Variants in XRCC6 observed in about 807,000 individuals in gnomAD.
The protein encoded by XRCC6 is DNA repair protein Ku70.
XRCC6 carries 5 observed loss-of-function variants against 65.7 expected under a neutral mutation model. That is an observed-to-expected ratio of 0.08 (90% CI 0.04 to 0.16). The LOEUF is 0.16. Ranked by LOEUF, XRCC6 falls within the 10% of genes least tolerant of loss-of-function variation. The pLI, the probability that XRCC6 is intolerant of heterozygous loss-of-function variation, is 1.00. For synonymous variants in XRCC6, 270 were observed against 270.6 expected (o/e 1.00, Z 0.02); for missense variants, 447 against 738.1 (o/e 0.61, Z 4.57).
At chr22:41,629,968 G>C (rs1298818554) in intron 3 of XRCC6, among the ~76,000 whole-genome samples, 1 of 141,786 alleles carries the variant, frequency 7.1e-6, no homozygotes, top group Non-Finnish European at 1.5e-5. Context: ...GCCCAGCCTT[G>C]TGTGTGCATT....
chr22:41,622,012 G>A lies in XRCC6; in HGVS notation c.8G>A (p.Gly3Glu), dbSNP rs2067612791. The A allele has an allele frequency of 1.2e-6, 2 of 1,614,234 alleles. No individual in the cohort carries two copies. Among genetic ancestry groups the A allele is most frequent in the Non-Finnish European group, 1.7e-6 (2 of 1,180,038 alleles). The change falls in exon 2 of 13, where the codon GGG becomes GAG. Residue 3 changes from glycine (G) to glutamate (E), a missense_variant. Around this residue, in one of 4 missense-constraint regions of XRCC6, gnomAD observed 228 missense variants for 307.4 expected, o/e 0.74. Coordinates refer to ENST00000360079, the MANE Select transcript of XRCC6 (RefSeq NM_001469.5). ...TAGTGAGCAGTAGCCAACATGTCAGGGTGGGAGTCATATTACAAAACCGAG... is the reference window on the plus strand; with the variant it reads ...TAGTGAGCAGTAGCCAACATGTCAGAGTGGGAGTCATATTACAAAACCGAG... MS[G>E]WESYYKTEGD...
intron 3 of XRCC6, among the ~76,000 whole-genome samples, chr22:41,629,098 C>T (rs981404716): frequency 6.6e-6 from 1 of 151,818 alleles, no homozygotes; most frequent in Non-Finnish European, 1.5e-5. Flanking sequence ...CCACTCACAC[C>T]CACTATATAA....
At chr22:41,637,555 C>CA in intron 5 of XRCC6, 53 bp from the exon 6 acceptor site, 1 of 1,437,518 alleles carries the variant, frequency 7.0e-7, no homozygotes, top group Non-Finnish European at 9.3e-7. Flanking sequence ...AAGAACTTCT[C>CA]ACTTGCTGAA....
intron 6 of XRCC6, among the ~76,000 whole-genome samples, chr22:41,643,556 C>T (rs551023891): frequency 2.2e-4 from 33 of 152,304 alleles, no homozygotes; most frequent in Middle Eastern, 3.4e-3. Context: ...CGCGCTGGCT[C>T]ATGCCTGTAA....
At chr22:41,650,257 A>G (rs187750983) in intron 7 of XRCC6, among the ~76,000 whole-genome samples, 17 of 151,864 alleles carry the variant, frequency 1.1e-4, no homozygotes, top group Non-Finnish European at 2.2e-4. Context: ...GGTGTGTACC[A>G]CTATACCGAG....
At chr22:41,646,758 A>T in intron 6 of XRCC6, 138 bp from the exon 7 acceptor site, 1 of 721,328 alleles carries the variant, frequency 1.4e-6, no homozygotes, top group Non-Finnish European at 2.3e-6. Flanking sequence ...TGTATTATTA[A>T]AAAGCATATT....
intron 11 of XRCC6, among the ~76,000 whole-genome samples, chr22:41,659,833 C>T (rs541816910): frequency 2.0e-5 from 3 of 151,886 alleles, no homozygotes; most frequent in South Asian, 2.1e-4. Context: ...TACAGGCACC[C>T]GCCACCATGC....
chr22:41,657,514 A>G (rs2068056325), intron 10 of XRCC6, among the ~76,000 whole-genome samples: 1 of 146,690 alleles, frequency 6.8e-6, no homozygotes, highest in African/African-American at 2.5e-5. Context: ...TATTATTATT[A>G]TTATTATTAT....
intron 6 of XRCC6, among the ~76,000 whole-genome samples, chr22:41,644,753 T>C (rs2067913962): frequency 6.6e-6 from 1 of 151,908 alleles, no homozygotes; most frequent in Admixed American, 6.6e-5. Context: ...CCTCCCAAAG[T>C]GCTAGGATTA....
intron 9 of XRCC6, among the ~76,000 whole-genome samples, chr22:41,655,031 T>C (rs1254739748): frequency 1.3e-5 from 2 of 152,224 alleles, no homozygotes; most frequent in Non-Finnish European, 2.9e-5. Flanking sequence ...CTGTAAATGC[T>C]ACCCACCAGT....
At chr22:41,649,396 G>C (rs1025004821) in intron 7 of XRCC6, among the ~76,000 whole-genome samples, 4 of 149,536 alleles carry the variant, frequency 2.7e-5, no homozygotes, top group African/African-American at 7.4e-5. Context: ...GGCTGGTCTC[G>C]AATTCCTGGG....
intron 3 of XRCC6, among the ~76,000 whole-genome samples, chr22:41,628,745 C>T (rs867007032): frequency 4.0e-5 from 6 of 151,880 alleles, no homozygotes; most frequent in Non-Finnish European, 7.4e-5. Flanking sequence ...CTGAGGCAGG[C>T]GGATCATGAG....
intron 3 of XRCC6, among the ~76,000 whole-genome samples, chr22:41,631,457 G>A (rs1382175925): frequency 3.3e-5 from 5 of 150,748 alleles, no homozygotes; most frequent in Non-Finnish European, 7.4e-5. Flanking sequence ...CAGATGGGGC[G>A]GCTGGGCAGA....
chr22:41,623,480 C>T (rs57149394), intron 2 of XRCC6, among the ~76,000 whole-genome samples: 6,116 of 151,762 alleles, frequency 0.04, 266 homozygotes, highest in African/African-American at 0.093. Flanking sequence ...CTCCGCCTCC[C>T]GGGTTCATGC....
chr22:41,648,729 C>A (rs2067960936), intron 7 of XRCC6, among the ~76,000 whole-genome samples: 1 of 151,996 alleles, frequency 6.6e-6, no homozygotes, highest in Non-Finnish European at 1.5e-5. Context: ...TTGATTCAAG[C>A]CAGAGAGTTT....
chr22:41,661,214 C>A, intron 11 of XRCC6, 117 bp from the exon 12 acceptor site: 1 of 797,886 alleles, frequency 1.3e-6, no homozygotes, highest in Non-Finnish European at 2.0e-6. Flanking sequence ...TTCCCTAGAC[C>A]CCTCCCACCT....
chr22:41,659,116 G>C (rs536328089), intron 11 of XRCC6, among the ~76,000 whole-genome samples: 1 of 152,214 alleles, frequency 6.6e-6, no homozygotes, highest in South Asian at 2.1e-4. Flanking sequence ...TGTATTTTTA[G>C]TAGAGACGGG....
At chr22:41,624,841 C>CA (rs1018087328) in intron 2 of XRCC6, among the ~76,000 whole-genome samples, 10 of 149,922 alleles carry the variant, frequency 6.7e-5, no homozygotes, top group African/African-American at 2.5e-4. Context: ...ACTAAAAATA[C>CA]AAAAAAATAG....
At position 41,663,975 on chromosome 22, in the gene XRCC6, T is replaced by A; in HGVS notation, c.*160T>A. 2 of 763,714 alleles carry A rather than the reference T, an allele frequency of 2.6e-6. No individual in the cohort carries two copies. The highest frequency in any genetic ancestry group is 2.1e-6 in the Non-Finnish European group (1 of 477,356). 47.3% of individuals were successfully genotyped at this position (763,714 alleles called of 1,614,324 possible). A position where few individuals can be genotyped will look rare whatever the true frequency, so the allele number is the denominator to read the frequency against. On this transcript the variant is annotated 3_prime_UTR_variant, in exon 13 of 13. Coordinates refer to ENST00000360079, the MANE Select transcript of XRCC6 (RefSeq NM_001469.5). ...AGGCTTTCTGTTGCCATGGTGATGGTGTAGCCCTCCCACTTTGCTGTTCCT... is the reference window on the plus strand; with the variant it reads ...AGGCTTTCTGTTGCCATGGTGATGGAGTAGCCCTCCCACTTTGCTGTTCCT...
Sources: allele counts gnomAD v4.1 joint callset (sites outside exome capture counted in the v4.1 genomes callset), GRCh38; gene constraint gnomAD v4.1.1; regional missense constraint gnomAD v4.1.1; transcripts MANE v1.5; gene names NCBI Gene and HGNC (gene_info 2026-07-23, HGNC 2026-07-21).